The following FBXO38 variants were observed in gnomAD, a reference collection of about 807,000 sequenced individuals.
FBXO38 encodes F-box protein 38.
FBXO38 carries 53 observed loss-of-function variants against 131.9 expected under a neutral mutation model. The observed-to-expected ratio is 0.40, with a 90% CI of 0.32 to 0.51. The LOEUF is 0.51. FBXO38 is among the 20% of genes least tolerant of loss of function. The pLI is 0.53. For missense variants in FBXO38, 1,076 were observed against 1,475.6 expected (o/e 0.73, Z 4.44); for synonymous variants, 452 against 505.6 (o/e 0.89, Z 1.42).
In FBXO38 at chr5:148,414,194, T is replaced by G. The variant is rs1279785072; in HGVS notation, c.1152T>G (p.Pro384=). ...KYGLADVVEN[P]GIITDIGMKA... ...GTTTGGCTGATGTGGTAGAAAATCC[T>G]GGTATCATCACTGATATAGGGATGA... Residue 384 remains proline, a synonymous_variant, in exon 10 of 22, where the codon CCT becomes CCG. Transcript: ENST00000340253. 1.2e-6 allele frequency: 2 copies of G among 1,612,804 alleles called. No homozygotes were observed. Among genetic ancestry groups the G allele is most frequent in the African/African-American group, 2.7e-5 (2 of 74,814 alleles).
At chr5:148,418,376 A>G (rs1753189803) in intron 12 of FBXO38, among the ~76,000 whole-genome samples, 1 of 152,188 alleles carries the variant, frequency 6.6e-6, no homozygotes, top group South Asian at 2.1e-4. Flanking sequence ...AGTACCAACT[A>G]TATGGTATTA....
At chr5:148,415,505 A>G (rs1445333970) in intron 10 of FBXO38, 2 of 183,674 alleles carry the variant, frequency 1.1e-5, no homozygotes, top group African/African-American at 4.8e-5. Flanking sequence ...TACTCTGTAT[A>G]CACTGTCCTG....
At chr5:148,407,354 A>G (rs1752497182) in intron 7 of FBXO38, among the ~76,000 whole-genome samples, 1 of 152,196 alleles carries the variant, frequency 6.6e-6, no homozygotes, top group South Asian at 2.1e-4. Context: ...TTCTTCTCTA[A>G]TCAGTTTTTA....
chr5:148,425,662 G>C lies in FBXO38; in HGVS notation c.1879G>C (p.Glu627Gln). The C allele has an allele frequency of 6.2e-7, 1 of 1,613,720 alleles. No homozygotes were observed. The highest frequency in any genetic ancestry group is 1.7e-4 in the Middle Eastern group (1 of 6,058). Residue 627 changes from glutamate to glutamine, a missense_variant, in exon 14 of 22, where the codon GAA becomes CAA. Coordinates refer to ENST00000340253, the MANE Select transcript of FBXO38 (RefSeq NM_205836.3). ...TACTCGGCGTTACTCTGAACGTGAA[G>C]AAAAAACTGGAGAGTCAGTGCAGTC... The part of the protein sequence containing the change: ...NGTRRYSERE[E>Q]KTGESVQSRE...
chr5:148,387,751 G>A (rs1391561899), intron 1 of FBXO38, among the ~76,000 whole-genome samples: 2 of 141,356 alleles, frequency 1.4e-5, no homozygotes, highest in Non-Finnish European at 3.0e-5. Flanking sequence ...GAGTGCAGTC[G>A]TACGATCTTG....
chr5:148,433,774 G>A (rs1754180410), intron 17 of FBXO38, 37 bp downstream of exon 17: 2 of 1,173,414 alleles, frequency 1.7e-6, no homozygotes, highest in Non-Finnish European at 1.2e-6. Context: ...AGAGTATCAT[G>A]AATGAGTTAA....
intron 14 of FBXO38, 83 bp downstream of exon 14, chr5:148,425,784 G>C: frequency 8.4e-7 from 1 of 1,184,974 alleles, no homozygotes; most frequent in Non-Finnish European, 1.2e-6. Flanking sequence ...CAACTTGGGT[G>C]CAGTTAACAT....
intron 14 of FBXO38, among the ~76,000 whole-genome samples, chr5:148,426,693 A>G (rs1444847036): frequency 1.3e-5 from 2 of 152,184 alleles, no homozygotes; most frequent in East Asian, 1.9e-4. Flanking sequence ...AGGCACTGTG[A>G]GGGATACAGA....
chr5:148,417,302 G>A, intron 12 of FBXO38, 98 bp downstream of exon 12: 2 of 874,000 alleles, frequency 2.3e-6, no homozygotes, highest in South Asian at 3.0e-5. Flanking sequence ...GTTTCAACTT[G>A]TCACTTTCCA....
chr5:148,410,118 A>T (rs1018123975), intron 8 of FBXO38: 1 of 152,206 alleles, frequency 6.6e-6, no homozygotes, highest in Non-Finnish European at 1.5e-5. Flanking sequence ...AGGAAGTGGG[A>T]GGGAAGTTGT....
intron 14 of FBXO38, 32 bp downstream of exon 14, chr5:148,425,733 G>C (rs1753680165): frequency 1.8e-5 from 28 of 1,587,268 alleles, no homozygotes; most frequent in Non-Finnish European, 2.4e-5. Context: ...AACTATTAAT[G>C]AGAGTCACTA....
chr5:148,437,822 T>A (rs1754436273), intron 17 of FBXO38, among the ~76,000 whole-genome samples: 1 of 152,186 alleles, frequency 6.6e-6, no homozygotes, highest in African/African-American at 2.4e-5. Context: ...TTCAGTATTA[T>A]GGTAACCACT....
At chr5:148,441,848 T>C in intron 21 of FBXO38, 121 bp from the exon 22 acceptor site, 1 of 705,110 alleles carries the variant, frequency 1.4e-6, no homozygotes, top group Non-Finnish European at 2.2e-6. Context: ...CCTTGACCTA[T>C]TCATGCATCA....
chr5:148,425,505 C>T lies in FBXO38; in HGVS notation c.1739-17C>T. On this transcript the variant is annotated splice_polypyrimidine_tract_variant and intron_variant, in intron 13 of 21. Transcript: ENST00000340253. The stretch of plus-strand genomic sequence containing the variant: ...CTTGCGCAAAAAGTAACTGTTAGGC[C>T]TGTGCTTTTTTTTAAGGACCCAGTG... 1.2e-6 allele frequency: 2 copies of T among 1,603,906 alleles called. No individual in the cohort carries two copies. Among genetic ancestry groups the T allele is most frequent in the Non-Finnish European group, 1.7e-6 (2 of 1,172,372 alleles).
At chr5:148,425,829 C>T (rs1253536226) in intron 14 of FBXO38, 128 bp downstream of exon 14, 17 of 766,916 alleles carry the variant, frequency 2.2e-5, no homozygotes, top group South Asian at 1.9e-4. Context: ...AAGAAATGCA[C>T]TTGCCCAAGT....
At chr5:148,435,101 T>C (rs553385193) in intron 17 of FBXO38, 1 of 151,990 alleles carries the variant, frequency 6.6e-6, no homozygotes, top group African/African-American at 2.4e-5. Context: ...CAAAAAAAAA[T>C]AAAATAAAAT....
chr5:148,408,737 T>TA (rs967574271), intron 7 of FBXO38, among the ~76,000 whole-genome samples: 16 of 152,324 alleles, frequency 1.1e-4, no homozygotes, highest in African/African-American at 3.8e-4. Flanking sequence ...TCAGAAACAT[T>TA]AAAAAAATCA....
At chr5:148,391,742 G>T (rs1156324489) in intron 1 of FBXO38, among the ~76,000 whole-genome samples, 1 of 152,204 alleles carries the variant, frequency 6.6e-6, no homozygotes, top group South Asian at 2.1e-4. Flanking sequence ...CATGTATATT[G>T]TACTTCTTAA....
chr5:148,399,106 G>T lies in FBXO38; in HGVS notation c.236G>T (p.Gly79Val), dbSNP rs765989865. Reference sequence around the variant, plus strand: ...GTGAGAGTTGTAGATCTCTGTGCAGGGCGGTGGTGGGAATACATGCCAAGT... The same window carrying T: ...GTGAGAGTTGTAGATCTCTGTGCAGTGCGGTGGTGGGAATACATGCCAAGT... ...RVVRVVDLCA[G>V]RWWEYMPSGF... Residue 79 changes from glycine (G) to valine (V), a missense_variant, in exon 3 of 22, where the codon GGG becomes GTG. Gly to Val is a moderately radical substitution (Grantham distance 109). Transcript: ENST00000340253. 6.2e-7 allele frequency: 1 copy of T among 1,612,950 alleles called. No individual in the cohort carries two copies. The highest frequency in any genetic ancestry group is 1.3e-5 in the African/African-American group (1 of 74,810).
Sources: gnomAD v4.1 joint callset for allele counts (sites outside exome capture counted in the v4.1 genomes callset) on GRCh38, gnomAD v4.1.1 for gene constraint, MANE v1.5 for transcripts, NCBI Gene and HGNC (gene_info 2026-07-23, HGNC 2026-07-21) for gene names.